EIF3D: variants seen among roughly 807,000 people sequenced by gnomAD.
EIF3D encodes eIF3 p66.
In EIF3D, 10 loss-of-function variants were observed where a neutral mutation model predicts 75.4. The ratio of observed to expected loss-of-function variants is 0.13; its 90% CI spans 0.08 to 0.22. The LOEUF is 0.22. Ranked by LOEUF, EIF3D falls within the 10% of genes least tolerant of loss-of-function variation. The pLI, the probability that EIF3D is intolerant of heterozygous loss-of-function variation, is 1.00. For synonymous variants in EIF3D, 246 were observed against 248.3 expected, an observed-to-expected ratio of 0.99 and a Z score of 0.09; for missense variants, 394 against 708.0, an observed-to-expected ratio of 0.56 and a Z score of 5.03.
At chr22:36,519,021 G>A (rs1934470892) in intron 8 of EIF3D, 111 bp from the exon 9 acceptor site, 1 of 1,410,762 alleles carries the variant, frequency 7.1e-7, no homozygotes, top group African/African-American at 1.4e-5. Context: ...TTAATAAGGA[G>A]GCCCCACCTC....
Position 36,511,555 on chromosome 22 carries a change from G to A in EIF3D, c.1581C>T (p.Phe527=). The stretch of plus-strand genomic sequence containing the variant: ...CTTCCTCCTCATCTTCATCAGAGCT[G>A]AAGGTGCCATCAGGGAGGCTGTAGA... ...IRVYSLPDGT[F]SSDEDEEEEE... is the part of the protein sequence containing the mutation. The change falls in exon 14 of 15, where the codon TTC becomes TTT. Residue 527 remains phenylalanine (F), a synonymous_variant. Coordinates refer to ENST00000216190, the MANE Select transcript of EIF3D (RefSeq NM_003753.4). The A allele has an allele frequency of 1.2e-6, 2 of 1,613,982 alleles. No homozygotes were observed. Among genetic ancestry groups the A allele is most frequent in the Non-Finnish European group, 8.5e-7 (1 of 1,179,924 alleles).
intron 3 of EIF3D, 86 bp from the exon 4 acceptor site, chr22:36,524,818 G>T: frequency 6.4e-7 from 1 of 1,558,586 alleles, no homozygotes. Context: ...TATTTCAAGT[G>T]TGGTCTTGAG....
chr22:36,511,900 T>C (rs1934344484), intron 13 of EIF3D, 114 bp from the exon 14 acceptor site: 1 of 1,435,716 alleles, frequency 7.0e-7, no homozygotes, highest in Non-Finnish European at 9.2e-7. Context: ...TTTTCTTTTT[T>C]TTTTTTTTGA....
rs748890507 is a variant in EIF3D at position 36,516,749 on chromosome 22, C to A, written c.1032G>T (p.Val344=). ...TTTCATTCTTATCCATGTCGTCCTC[C>A]ACAAACGGGTTTGGGTTGGGGAAGT... ...RYNFPNPNPF[V]EDDMDKNEIA... The change falls in exon 11 of 15, where the codon GTG becomes GTT. Residue 344 remains valine (V), a synonymous_variant. Coordinates refer to ENST00000216190, the MANE Select transcript of EIF3D (RefSeq NM_003753.4). 4 of 1,614,112 alleles carry A rather than the reference C, an allele frequency of 2.5e-6. No homozygotes were observed. In the African/African-American group the frequency reaches 5.3e-5, roughly 22 times the overall value.
chr22:36,526,255 C>A, intron 1 of EIF3D, 124 bp from the exon 2 acceptor site: 1 of 1,053,750 alleles, frequency 9.5e-7, no homozygotes, highest in Non-Finnish European at 1.3e-6. Context: ...AAAATGGAAC[C>A]CTCAACTGTT....
intron 12 of EIF3D, among the ~76,000 whole-genome samples, chr22:36,513,861 G>A (rs1010044895): frequency 6.6e-6 from 1 of 152,126 alleles, no homozygotes; most frequent in Admixed American, 6.6e-5. Context: ...CAGCTTGCTG[G>A]GGCATGTTAG....
rs188118417 is a variant in EIF3D at position 36,517,192 on chromosome 22, G to A, written c.990+109C>T. ...CTCCCCTGCTAAAGGTGGGGACTGC[G>A]TCTGACCTGCTCAGTCCCACAACCA... On this transcript the variant is annotated intron_variant, in intron 10 of 14. Transcript: ENST00000216190. The A allele has an allele frequency of 3.7e-4, 551 of 1,480,430 alleles. 2 individuals carry two copies. In the African/African-American group the frequency reaches 5.8e-3, roughly 15 times the overall value. The allele number at this position is 1,480,430 out of a possible 1,614,324, so 91.7% of individuals were successfully genotyped here. A position where few individuals can be genotyped will look rare whatever the true frequency, so the allele number is the denominator to read the frequency against.
chr22:36,515,102 A>G (rs1356874503), intron 12 of EIF3D, among the ~76,000 whole-genome samples: 1 of 152,178 alleles, frequency 6.6e-6, no homozygotes, highest in Non-Finnish European at 1.5e-5. Flanking sequence ...CAGAACTGTG[A>G]GCCAATTAAA....
Position 36,518,925 on chromosome 22 carries a change from A to G in EIF3D, c.712-15T>C. ...GTTTTTGCCAGCTGCAAAGAGGATC[A>G]AAGAGAGAAGATGGAAAGACACTCC... On this transcript the variant is annotated splice_polypyrimidine_tract_variant and intron_variant, in intron 8 of 14. Coordinates refer to ENST00000216190, the MANE Select transcript of EIF3D (RefSeq NM_003753.4). The G allele has an allele frequency of 2.5e-6, 4 of 1,613,388 alleles. No individual in the cohort carries two copies. In the South Asian group the frequency reaches 4.4e-5, roughly 18 times the overall value.
In EIF3D at chr22:36,517,441, C is replaced by A. The variant is rs774190986; in HGVS notation, c.860-10G>T. On this transcript the variant is annotated splice_polypyrimidine_tract_variant and intron_variant, in intron 9 of 14. Coordinates refer to ENST00000216190, the MANE Select transcript of EIF3D (RefSeq NM_003753.4). The stretch of plus-strand genomic sequence containing the variant: ...CTCACTGTCAGGAGGTCTGCAAAAG[C>A]GTGGCATGGTCACTCACCATGCAAC... The A allele has an allele frequency of 6.2e-7, 1 of 1,604,024 alleles. No individual in the cohort carries two copies. Among genetic ancestry groups the A allele is most frequent in the South Asian group, 1.1e-5 (1 of 89,900 alleles).
intron 1 of EIF3D, among the ~76,000 whole-genome samples, chr22:36,527,932 T>C (rs191097430): frequency 2.0e-5 from 3 of 152,300 alleles, no homozygotes; most frequent in African/African-American, 7.2e-5. Flanking sequence ...AGAGATGACA[T>C]TTGGGTGACA....
intron 12 of EIF3D, chr22:36,512,868 C>CGG: frequency 2.5e-6 from 1 of 401,856 alleles, no homozygotes. Context: ...GACACACACA[C>CGG]ACACACACAC....
rs747950251 is a variant in EIF3D, at chr22:36,517,442, G to A, written c.860-11C>T. 1.5e-5 allele frequency: 24 copies of A among 1,604,202 alleles called. No homozygotes were observed. In the Admixed American group the frequency reaches 2.3e-4, roughly 15 times the overall value. The stretch of plus-strand genomic sequence containing the variant: ...TCACTGTCAGGAGGTCTGCAAAAGC[G>A]TGGCATGGTCACTCACCATGCAACA... On this transcript the variant is annotated splice_polypyrimidine_tract_variant and intron_variant, in intron 9 of 14. Transcript: ENST00000216190.
Position 36,516,596 on chromosome 22 carries a change from C to G in EIF3D, c.1088G>C (p.Trp363Ser). 1 of 1,614,104 alleles carries G rather than the reference C, an allele frequency of 6.2e-7. No individual in the cohort carries two copies. Among genetic ancestry groups the G allele is most frequent in the Non-Finnish European group, 8.5e-7 (1 of 1,179,952 alleles). The stretch of plus-strand genomic sequence containing the variant: ...AAGGTCAATATCATCTCCAAGCTTC[C>G]ACCTGCGGTAACTGCAGCAAAAAAG... ...IASVAYRYRR[W>S]KLGDDIDLIV... Residue 363 changes from tryptophan to serine, a missense_variant, in exon 12 of 15, where the codon TGG becomes TCG. Trp to Ser is a radical substitution (Grantham distance 177). Transcript: ENST00000216190.
chr22:36,520,568 C>A lies in EIF3D; in HGVS notation c.578+8G>T. On this transcript the variant is annotated splice_region_variant and intron_variant, in intron 7 of 14. Transcript: ENST00000216190. ...GCAGTGTAGAAAGTAGTAAAAGATG[C>A]TGCTTACATGTCCTGTGGCTCTGAT... 1 of 1,597,230 alleles carries A rather than the reference C, an allele frequency of 6.3e-7. No homozygotes were observed. The highest frequency in any genetic ancestry group is 8.6e-7 in the Non-Finnish European group (1 of 1,165,182).
At chr22:36,523,759 G>A (rs1934552637) in intron 5 of EIF3D, 136 bp downstream of exon 5, 1 of 811,714 alleles carries the variant, frequency 1.2e-6, no homozygotes, top group Non-Finnish European at 2.1e-6. Flanking sequence ...CTAAAAGGGG[G>A]CTTAACTGGT....
intron 13 of EIF3D, 107 bp from the exon 14 acceptor site, chr22:36,511,893 TC>T (rs1934343901): frequency 7.1e-7 from 1 of 1,405,598 alleles, no homozygotes; most frequent in Non-Finnish European, 9.3e-7. Context: ...TGCTATTTTT[TC>T]TTTTTTTTTT....
At chr22:36,525,388 T>C (rs924779585) in intron 3 of EIF3D, among the ~76,000 whole-genome samples, 5 of 151,820 alleles carry the variant, frequency 3.3e-5, no homozygotes, top group African/African-American at 9.7e-5. Flanking sequence ...GGATTACAGG[T>C]GCACGCCACC....
At chr22:36,520,726 G>C (rs752231322) in intron 6 of EIF3D, 38 bp from the exon 7 acceptor site, 3 of 1,438,710 alleles carry the variant, frequency 2.1e-6, no homozygotes, top group South Asian at 2.3e-5. Context: ...AAAAGTTATA[G>C]TCCATACAAA....
Sources: allele counts gnomAD v4.1 joint callset (sites outside exome capture counted in the v4.1 genomes callset), GRCh38; gene constraint gnomAD v4.1.1; transcripts MANE v1.5; gene names NCBI Gene and HGNC (gene_info 2026-07-23, HGNC 2026-07-21).